LTA4H: variants seen among roughly 807,000 people sequenced by gnomAD.
LTA4H encodes the protein leukotriene A-4 hydrolase.
LTA4H carries 59 observed loss-of-function variants against 89.8 expected under a neutral mutation model. That is an observed-to-expected ratio of 0.66 (90% CI 0.53 to 0.82). LTA4H has a LOEUF of 0.82. LTA4H is among the 40% of genes least tolerant of loss of function. LTA4H has a pLI of 0.00. For missense variants in LTA4H, 617 were observed against 727.0 expected (o/e 0.85, Z 1.74); for synonymous variants, 227 against 253.1 (o/e 0.90, Z 0.98).
chr12:96,036,808 T>C (rs965264987), upstream of LTA4H, among the ~76,000 whole-genome samples: 5 of 152,200 alleles, frequency 3.3e-5, no homozygotes, highest in African/African-American at 1.2e-4. Flanking sequence ...AGGGGTTTAA[T>C]TGGTTTACAG....
At chr12:96,002,830 C>A in intron 18 of LTA4H, 130 bp downstream of exon 18, 1 of 624,064 alleles carries the variant, frequency 1.6e-6, no homozygotes, top group Non-Finnish European at 2.8e-6. Flanking sequence ...GTGTGAATCC[C>A]TATTCCAAAA....
upstream of LTA4H, among the ~76,000 whole-genome samples, chr12:96,036,105 T>G (rs11108383): frequency 2.7e-5 from 4 of 149,412 alleles, no homozygotes; most frequent in African/African-American, 9.8e-5. Context: ...ACAGTAATTG[T>G]TTTTTGTTTT....
At chr12:96,037,774 G>C (rs1329412700), upstream of LTA4H, among the ~76,000 whole-genome samples, 2 of 140,882 alleles carry the variant, frequency 1.4e-5, no homozygotes, top group Non-Finnish European at 3.0e-5. Context: ...GCTCACACAA[G>C]CTCCGCCTCC....
chr12:96,005,967 C>T (rs1027916614), intron 16 of LTA4H, among the ~76,000 whole-genome samples: 3 of 152,008 alleles, frequency 2.0e-5, no homozygotes, highest in African/African-American at 4.8e-5. Context: ...AGGCTGGTCT[C>T]GAACTCCTGA....
At chr12:96,012,499 C>T (rs1950318851) in intron 14 of LTA4H, 1 of 152,482 alleles carries the variant, frequency 6.6e-6, no homozygotes. Flanking sequence ...ATTGTTTGAG[C>T]TCAGGAGTTC....
chr12:96,032,113 CA>C (rs1311297252), intron 1 of LTA4H, among the ~76,000 whole-genome samples: 3 of 152,192 alleles, frequency 2.0e-5, no homozygotes, highest in Non-Finnish European at 2.9e-5. Flanking sequence ...AGCCACTAAC[CA>C]AAAGAACACC....
At chr12:96,023,885 A>G (rs756009148) in intron 4 of LTA4H, among the ~76,000 whole-genome samples, 24 of 151,826 alleles carry the variant, frequency 1.6e-4, no homozygotes, top group Non-Finnish European at 2.6e-4. Flanking sequence ...TTATTTCTAG[A>G]TCCAGGATTC....
chr12:96,029,309 T>C lies in LTA4H; in HGVS notation c.160-124A>G, dbSNP rs188207979. The C allele has an allele frequency of 1.4e-3, 681 of 501,608 alleles. 3 individuals carry two copies. Among genetic ancestry groups the C allele is most frequent in the African/African-American group, 0.011 (555 of 49,786 alleles). 31.1% of individuals were successfully genotyped at this position (501,608 alleles called of 1,614,324 possible). On this transcript the variant is annotated intron_variant, in intron 1 of 18. Coordinates refer to ENST00000228740, the MANE Select transcript of LTA4H (RefSeq NM_000895.3). The stretch of plus-strand genomic sequence containing the variant: ...AAAATACAGAGTGAAATTAGAAGAA[T>C]TGAAGAGTCAAAAGCTAGTCTAGGT...
chr12:96,022,109 C>T lies in LTA4H; in HGVS notation c.585+38G>A, dbSNP rs754586557. ...TGTGTACAAGCTAACTGTAGTTTAC[C>T]GCCAATGAAAACAAAAATCTAGACC... On this transcript the variant is annotated intron_variant, in intron 5 of 18. Transcript: ENST00000228740. This position sits in a 1 kb window ranked among gnomAD's most constrained non-coding sequence, Gnocchi z 4.0. The T allele has an allele frequency of 4.7e-5, 64 of 1,369,344 alleles. No individual in the cohort carries two copies. Among genetic ancestry groups the T allele is most frequent in the Non-Finnish European group, 6.3e-5 (61 of 960,996 alleles). 84.8% of individuals were successfully genotyped at this position (1,369,344 alleles called of 1,614,324 possible). A position where few individuals can be genotyped will look rare whatever the true frequency, so the allele number is the denominator to read the frequency against.
chr12:96,033,799 C>T (rs1440979063), intron 1 of LTA4H, among the ~76,000 whole-genome samples: 1 of 152,184 alleles, frequency 6.6e-6, no homozygotes, highest in African/African-American at 2.4e-5. Flanking sequence ...TGAGTGAGAA[C>T]ATGCGGTGTT....
At chr12:96,009,044 C>A (rs1034672205) in intron 15 of LTA4H, 50 bp downstream of exon 15, 1 of 1,315,534 alleles carries the variant, frequency 7.6e-7, no homozygotes, top group South Asian at 1.2e-5. Flanking sequence ...TGAGTAAAGA[C>A]ATATTTGCAC....
chr12:96,031,740 G>A (rs999317066), intron 1 of LTA4H, among the ~76,000 whole-genome samples: 5 of 152,112 alleles, frequency 3.3e-5, no homozygotes, highest in African/African-American at 7.2e-5. Context: ...AGGGCTTTAT[G>A]CCATGGGTTT....
intron 11 of LTA4H, chr12:96,015,255 T>A: frequency 2.1e-6 from 1 of 480,098 alleles, no homozygotes; most frequent in Non-Finnish European, 3.6e-6. Context: ...AAAAATGATT[T>A]AATGCCTGGT....
chr12:96,004,291 G>A (rs1263078206), intron 16 of LTA4H, among the ~76,000 whole-genome samples: 1 of 152,060 alleles, frequency 6.6e-6, no homozygotes, highest in Non-Finnish European at 1.5e-5. Context: ...TGAAATCATA[G>A]TTCCTTAATT....
chr12:96,038,229 A>T (rs78697573), upstream of LTA4H, among the ~76,000 whole-genome samples: 163 of 152,308 alleles, frequency 1.1e-3, 1 homozygote, highest in African/African-American at 3.8e-3. Context: ...CTCCAGCAAC[A>T]ACAACAAAAA....
At chr12:96,029,259 C>T (rs974582684) in intron 1 of LTA4H, 74 bp from the exon 2 acceptor site, 1 of 787,566 alleles carries the variant, frequency 1.3e-6, no homozygotes, top group East Asian at 3.0e-5. Context: ...ATATAGGCTA[C>T]AACAACTAGT....
In LTA4H at chr12:96,019,234, A is replaced by T; in HGVS notation, c.645T>A (p.Ile215=). ...LVVGALESRQ[I]GPRTLVWSEK... ...CAGACCACACCAAAGTTCTTGGGCC[A>T]ATTTGCCTGCAAGATTAAAAAGCTT... The change falls in exon 7 of 19, where the codon ATT becomes ATA. Residue 215 remains isoleucine, a synonymous_variant. Coordinates refer to ENST00000228740, the MANE Select transcript of LTA4H (RefSeq NM_000895.3). The T allele has an allele frequency of 6.2e-7, 1 of 1,609,780 alleles. No homozygotes were observed. The highest frequency in any genetic ancestry group is 8.5e-7 in the Non-Finnish European group (1 of 1,178,948).
chr12:96,020,943 A>C, intron 6 of LTA4H, 142 bp downstream of exon 6: 1 of 662,286 alleles, frequency 1.5e-6, no homozygotes, highest in Non-Finnish European at 2.6e-6. Context: ...TGTTGCCTAC[A>C]TTTTAGATTT....
At chr12:96,028,174 G>C (rs1950533013) in intron 2 of LTA4H, among the ~76,000 whole-genome samples, 1 of 152,148 alleles carries the variant, frequency 6.6e-6, no homozygotes, top group Admixed American at 6.5e-5. Context: ...CTTTACCCCA[G>C]AGAGTTTGAG....
Sources: allele counts gnomAD v4.1 joint callset (sites outside exome capture counted in the v4.1 genomes callset), GRCh38; gene constraint gnomAD v4.1.1; non-coding constraint Gnocchi (gnomAD v3.1); transcripts MANE v1.5; gene names NCBI Gene and HGNC (gene_info 2026-07-23, HGNC 2026-07-21).